The following MYH15 variants were observed in gnomAD, a reference collection of about 807,000 sequenced individuals.
MYH15 encodes the protein myosin heavy chain 15.
MYH15 carries 227 observed loss-of-function variants against 240.5 expected under a neutral mutation model. The observed-to-expected ratio is 0.94, with a 90% CI of 0.85 to 1.05. The LOEUF is 1.05. Among genes scored for constraint, MYH15 ranks in the 50% least tolerant of loss-of-function variants. MYH15 has a pLI of 0.00. For missense variants in MYH15, 2,217 were observed against 2,247.5 expected (o/e 0.99, Z 0.27); for synonymous variants, 785 against 796.7 (o/e 0.99, Z 0.25).
intron 2 of MYH15, among the ~76,000 whole-genome samples, chr3:108,503,666 G>T (rs1397278640): frequency 1.3e-5 from 2 of 152,192 alleles, no homozygotes; most frequent in Admixed American, 1.3e-4. Flanking sequence ...TGTTAGTAAG[G>T]ATGTGGAGAG....
chr3:108,383,882 G>A (rs2082363252), intron 39 of MYH15, among the ~76,000 whole-genome samples, 153 bp from the exon 40 acceptor site: 2 of 151,772 alleles, frequency 1.3e-5, no homozygotes, highest in African/African-American at 2.4e-5. Context: ...TGATATATTA[G>A]GATTCAGACT....
chr3:108,534,118 T>C (rs1205452953), upstream of MYH15, among the ~76,000 whole-genome samples: 1 of 152,206 alleles, frequency 6.6e-6, no homozygotes, highest in Non-Finnish European at 1.5e-5. Context: ...TCCTGTGAAA[T>C]ACATGAGCCT....
intron 2 of MYH15, among the ~76,000 whole-genome samples, chr3:108,504,708 C>T (rs1438744190): frequency 1.3e-5 from 2 of 152,134 alleles, no homozygotes; most frequent in African/African-American, 4.8e-5. Context: ...GCCCGGCTTA[C>T]ACCACGGGGT....
Position 108,383,746 on chromosome 3 carries a change from A to AAG in MYH15, c.5632-18_5632-17insCT. ...TTGTGTTTCCTATAAAAATAAAAAA[A>AAG]AAAAAAAAGAAATCTCCATGCCTAT... On this transcript the variant is annotated splice_polypyrimidine_tract_variant and intron_variant, in intron 39 of 40. Coordinates refer to ENST00000693548, the MANE Select transcript of MYH15 (RefSeq NM_014981.3). 1 of 1,535,630 alleles carries AAG rather than the reference A, an allele frequency of 6.5e-7. No individual in the cohort carries two copies. The highest frequency in any genetic ancestry group is 8.7e-7 in the Non-Finnish European group (1 of 1,146,676).
chr3:108,472,747 G>C (rs1296824596), intron 12 of MYH15, among the ~76,000 whole-genome samples: 1 of 152,260 alleles, frequency 6.6e-6, no homozygotes, highest in Admixed American at 6.5e-5. Context: ...GTAGGCAGTA[G>C]GATAAATGGA....
At chr3:108,457,631 TA>T (rs369000050) in intron 18 of MYH15, among the ~76,000 whole-genome samples, 35,352 of 137,762 alleles carry the variant, frequency 0.26, 4,648 homozygotes, top group Non-Finnish European at 0.32. Flanking sequence ...ACATGAAAAA[TA>T]AAAAAAAAAA....
At chr3:108,513,854 A>G (rs1294668300), upstream of MYH15, among the ~76,000 whole-genome samples, 1 of 152,192 alleles carries the variant, frequency 6.6e-6, no homozygotes, top group Non-Finnish European at 1.5e-5. Flanking sequence ...AAGACATTAG[A>G]TCATCATGTA....
intron 33 of MYH15, among the ~76,000 whole-genome samples, chr3:108,403,362 C>T (rs941671762): frequency 6.6e-6 from 1 of 152,174 alleles, no homozygotes; most frequent in Admixed American, 6.5e-5. Context: ...TTCCTGGGCA[C>T]CTTCTGTTTC....
At chr3:108,429,447 G>A (rs1049846235) in intron 26 of MYH15, among the ~76,000 whole-genome samples, 2 of 152,150 alleles carry the variant, frequency 1.3e-5, no homozygotes, top group African/African-American at 4.8e-5. Context: ...AATAACAAAC[G>A]AGAGCTGGTG....
At chr3:108,514,484 T>TAGATTGTACCCC (rs2083545414), upstream of MYH15, among the ~76,000 whole-genome samples, 2 of 152,188 alleles carry the variant, frequency 1.3e-5, no homozygotes, top group African/African-American at 4.8e-5. Flanking sequence ...CCATCTGTAA[T>TAGATTGTACCCC]TGCCCATGTT....
rs74966405 is a variant in MYH15 at position 108,453,443 on chromosome 3, T to C, written c.2399+563A>G. Among the ~76,000 whole-genome samples the C allele has an allele frequency of 2.1e-3, 320 of 152,342 alleles. 1 individual carries two copies. Among genetic ancestry groups the C allele is most frequent in the African/African-American group, 7.1e-3 (297 of 41,586 alleles). Reference sequence around the variant, plus strand: ...ATCCCTTGCTCACAGTCCCTTTGTTTGGAGATTTTGCTAGCTTGCTTTTCA... The same window carrying C: ...ATCCCTTGCTCACAGTCCCTTTGTTCGGAGATTTTGCTAGCTTGCTTTTCA... On this transcript the variant is annotated intron_variant, in intron 21 of 40. Coordinates refer to ENST00000693548, the MANE Select transcript of MYH15 (RefSeq NM_014981.3).
Position 108,455,855 on chromosome 3 carries a change from A to G in MYH15, c.2143T>C (p.Cys715Arg), listed in dbSNP as rs774251215. The change falls in exon 20 of 41, where the codon TGC (cysteine) becomes CGC (arginine). Residue 715 changes from cysteine (C) to arginine (R), a missense_variant. Coordinates refer to ENST00000693548, the MANE Select transcript of MYH15 (RefSeq NM_014981.3). ...GGAAAGGTCCTTGGATTCAGAATGC[A>G]GTACCTAATTTAAAATAAAGAAAAA... ...LQYADFKQRYCILNPRTFPKS... is the reference protein window; with the variant it reads ...LQYADFKQRYRILNPRTFPKS... The G allele has an allele frequency of 6.2e-7, 1 of 1,611,258 alleles. No individual in the cohort carries two copies. The highest frequency in any genetic ancestry group is 2.2e-5 in the East Asian group (1 of 44,836).
At chr3:108,470,279 C>A (rs1316874532) in intron 13 of MYH15, 67 bp from the exon 14 acceptor site, 3 of 1,172,174 alleles carry the variant, frequency 2.6e-6, no homozygotes, top group East Asian at 2.4e-5. Flanking sequence ...TCAAGAATGT[C>A]CAGTAAAGAA....
At chr3:108,500,996 G>A (rs1423510763) in intron 3 of MYH15, among the ~76,000 whole-genome samples, 1 of 152,216 alleles carries the variant, frequency 6.6e-6, no homozygotes, top group East Asian at 1.9e-4. Flanking sequence ...CAGCCCTGCT[G>A]ATTGGATTTG....
chr3:108,439,274 T>C (rs947583714), intron 24 of MYH15, among the ~76,000 whole-genome samples: 4 of 152,230 alleles, frequency 2.6e-5, no homozygotes, highest in Non-Finnish European at 5.9e-5. Flanking sequence ...TTTCCAATAG[T>C]GTAGGTAGAA....
intron 11 of MYH15, among the ~76,000 whole-genome samples, chr3:108,478,136 CA>C (rs919052949): frequency 6.6e-6 from 1 of 151,962 alleles, no homozygotes; most frequent in Non-Finnish European, 1.5e-5. Context: ...TAATCACGAA[CA>C]GAAAATAAAG....
At chr3:108,456,910 A>G (rs906967011) in intron 18 of MYH15, 27 bp from the exon 19 acceptor site, 1 of 1,517,848 alleles carries the variant, frequency 6.6e-7, no homozygotes, top group African/African-American at 1.4e-5. Context: ...GTCATGGTGG[A>G]TCTGTGCCTG....
chr3:108,460,431 C>A, intron 16 of MYH15, 64 bp from the exon 17 acceptor site: 1 of 1,291,150 alleles, frequency 7.7e-7, no homozygotes, highest in East Asian at 2.5e-5. Context: ...TCACATTATC[C>A]TACCCCACTG....
At chr3:108,486,808 A>AAAC (rs372406732) in intron 9 of MYH15, among the ~76,000 whole-genome samples, 10 of 152,162 alleles carry the variant, frequency 6.6e-5, no homozygotes, top group African/African-American at 1.4e-4. Flanking sequence ...AAAAACAAAC[A>AAAC]AACAACAACA....
Sources: allele counts gnomAD v4.1 joint callset (sites outside exome capture counted in the v4.1 genomes callset), GRCh38; gene constraint gnomAD v4.1.1; transcripts MANE v1.5; gene names NCBI Gene and HGNC (gene_info 2026-07-23, HGNC 2026-07-21).